Variants in SLC16A7 observed in about 807,000 individuals in gnomAD.
SLC16A7 encodes solute carrier family 16 member 7.
Under a neutral mutation model 34.9 loss-of-function variants are expected in SLC16A7, and 33 were observed. The ratio of observed to expected loss-of-function variants is 0.94; its 90% CI spans 0.72 to 1.26. SLC16A7 has a LOEUF of 1.26. Ranked by LOEUF, SLC16A7 falls within the 50% of genes most tolerant of loss-of-function variation. SLC16A7 has a pLI of 0.00. For synonymous variants in SLC16A7, 201 were observed against 206.6 expected (o/e 0.97, Z 0.23); for missense variants, 573 against 578.1 (o/e 0.99, Z 0.09).
Position 59,714,095 on chromosome 12 carries a change from G to A in SLC16A7, c.217+9077G>A, listed in dbSNP as rs140106665. Among the ~76,000 whole-genome samples the A allele has an allele frequency of 2.4e-3, 373 of 152,316 alleles. 1 individual carries two copies. The highest frequency in any genetic ancestry group is 6.8e-3 in the Middle Eastern group (2 of 294). On this transcript the variant is annotated intron_variant, in intron 3 of 5. Transcript: ENST00000547379. ...TGAATTTGAAGGATAAGGAGGCAGC[G>A]TTAGTCAAGGGAGAGGAAGTGTTTG... is the stretch of plus-strand genomic sequence containing the variant.
chr12:59,726,620 A>G (rs1876271703), intron 3 of SLC16A7, among the ~76,000 whole-genome samples: 1 of 152,174 alleles, frequency 6.6e-6, no homozygotes, highest in Non-Finnish European at 1.5e-5. Flanking sequence ...GTTGTGAGCA[A>G]GTTAGTAAAT....
rs921798930 is a variant in SLC16A7, at chr12:59,784,625, CA to C, written c.*4948del. 2.0e-5 allele frequency: 3 copies of C among 152,144 alleles called. No individual in the cohort carries two copies. Among genetic ancestry groups the C allele is most frequent in the African/African-American group, 7.2e-5 (3 of 41,432 alleles). The allele number at this position is 152,144 out of a possible 1,614,324, so 9.4% of individuals were successfully genotyped here. On this transcript the variant is annotated 3_prime_UTR_variant, in exon 6 of 6. Coordinates refer to ENST00000547379, the MANE Select transcript of SLC16A7 (RefSeq NM_001270623.2). ...TTGTCTATTTGTTCTGTAGAGAAAA[CA>C]AGTGTCATTGCTTTTGTCTTCTCCA...
intron 3 of SLC16A7, chr12:59,720,179 T>C: frequency 1.5e-6 from 1 of 673,314 alleles, no homozygotes; most frequent in Non-Finnish European, 2.7e-6. Context: ...ATAAATTTGT[T>C]CCAGTTTGGA....
chr12:59,643,341 A>G (rs1880769266), intron 1 of SLC16A7, among the ~76,000 whole-genome samples: 1 of 152,140 alleles, frequency 6.6e-6, no homozygotes, highest in South Asian at 2.1e-4. Context: ...TAATATACAT[A>G]TAAGTTTTCG....
chr12:59,613,015 C>T (rs574649341), intron 1 of SLC16A7, among the ~76,000 whole-genome samples: 1 of 152,202 alleles, frequency 6.6e-6, no homozygotes, highest in Non-Finnish European at 1.5e-5. Context: ...ATCTTTACAG[C>T]AGCACCCCAC....
chr12:59,787,586 TAGG>T lies in SLC16A7; in HGVS notation c.*7910_*7912del, dbSNP rs1431724170. 1 of 152,188 alleles carries T rather than the reference TAGG, an allele frequency of 6.6e-6. No individual in the cohort carries two copies. Among genetic ancestry groups the T allele is most frequent in the Admixed American group, 6.5e-5 (1 of 15,270 alleles). 9.4% of individuals were successfully genotyped at this position (152,188 alleles called of 1,614,324 possible). On this transcript the variant is annotated 3_prime_UTR_variant, in exon 6 of 6. Coordinates refer to ENST00000547379, the MANE Select transcript of SLC16A7 (RefSeq NM_001270623.2). ...GGTGAAGGGGAAGAGGGGTTGCTATTAGGAGTTTTCCCGGTAAAACTGTAAAAA... is the reference window on the plus strand; with the variant it reads ...GGTGAAGGGGAAGAGGGGTTGCTATTAGTTTTCCCGGTAAAACTGTAAAAA...
intron 1 of SLC16A7, among the ~76,000 whole-genome samples, chr12:59,626,988 G>A (rs1426478024): frequency 1.3e-5 from 2 of 151,862 alleles, no homozygotes; most frequent in Non-Finnish European, 2.9e-5. Context: ...CCAGAACATG[G>A]AGAGAGGTTG....
chr12:59,686,043 G>A (rs1419009434), intron 2 of SLC16A7, among the ~76,000 whole-genome samples: 2 of 146,962 alleles, frequency 1.4e-5, no homozygotes, highest in Non-Finnish European at 3.0e-5. Context: ...CACAGGCCCT[G>A]TCTGCTTATA....
chr12:59,671,947 G>A lies in SLC16A7; in HGVS notation c.-31+16697G>A, dbSNP rs56268585. On this transcript the variant is annotated intron_variant, in intron 2 of 5. Transcript: ENST00000547379. ...TATATATCCATATATGTATATATGT[G>A]TATATATGTATATATGTGTATATAT... 1.1e-3 allele frequency among the ~76,000 whole-genome samples: 60 copies of A among 56,650 alleles called. 6 individuals are homozygous for A. Among genetic ancestry groups the A allele is most frequent in the African/African-American group, 2.5e-3 (20 of 7,946 alleles). 37.2% of individuals were successfully genotyped at this position (56,650 alleles called of 152,430 possible). A position where few individuals can be genotyped will look rare whatever the true frequency, so the allele number is the denominator to read the frequency against.
chr12:59,612,272 C>T (rs898828787), intron 1 of SLC16A7, among the ~76,000 whole-genome samples: 15 of 152,192 alleles, frequency 9.9e-5, no homozygotes, highest in African/African-American at 3.6e-4. Flanking sequence ...GGTGCAAAAC[C>T]ACGTGTAAGA....
At chr12:59,720,217 C>A in intron 3 of SLC16A7, 1 of 598,454 alleles carries the variant, frequency 1.7e-6, no homozygotes. Flanking sequence ...TTAATTGTTA[C>A]TTATGTATTT....
intron 1 of SLC16A7, among the ~76,000 whole-genome samples, chr12:59,628,675 CGT>C (rs559754829): frequency 6.6e-6 from 1 of 151,216 alleles, no homozygotes; most frequent in Non-Finnish European, 1.5e-5. Flanking sequence ...TGTGCATGTG[CGT>C]GTGTGTGTGC....
intron 2 of SLC16A7, among the ~76,000 whole-genome samples, chr12:59,674,722 T>A (rs892124746): frequency 6.6e-6 from 1 of 152,164 alleles, no homozygotes; most frequent in Non-Finnish European, 1.5e-5. Flanking sequence ...GAGATCTATG[T>A]TCCAATAAAA....
At chr12:59,670,910 A>G (rs1469257288) in intron 2 of SLC16A7, among the ~76,000 whole-genome samples, 2 of 152,156 alleles carry the variant, frequency 1.3e-5, no homozygotes, top group Admixed American at 6.5e-5. Context: ...CCCTCTAGAC[A>G]TAAGAAATTC....
intron 3 of SLC16A7, among the ~76,000 whole-genome samples, chr12:59,751,514 C>A (rs1879556124): frequency 6.6e-6 from 1 of 152,234 alleles, no homozygotes; most frequent in Non-Finnish European, 1.5e-5. Flanking sequence ...GCACGGCAGT[C>A]TGAGATCAAA....
intron 1 of SLC16A7, among the ~76,000 whole-genome samples, chr12:59,602,819 A>G (rs368116496): frequency 1.3e-5 from 2 of 152,054 alleles, no homozygotes; most frequent in East Asian, 1.9e-4. Flanking sequence ...GTTGATTGAC[A>G]AAGCTCATCT....
At chr12:59,622,477 T>C (rs1367708973) in intron 1 of SLC16A7, among the ~76,000 whole-genome samples, 1 of 151,956 alleles carries the variant, frequency 6.6e-6, no homozygotes, top group Admixed American at 6.6e-5. Context: ...TTATATATTC[T>C]GTATATTCTG....
At chr12:59,643,328 C>G (rs1176544038) in intron 1 of SLC16A7, among the ~76,000 whole-genome samples, 1 of 152,066 alleles carries the variant, frequency 6.6e-6, no homozygotes, top group African/African-American at 2.4e-5. Flanking sequence ...CCCCAAGAGT[C>G]TCTAATATAC....
intron 3 of SLC16A7, among the ~76,000 whole-genome samples, chr12:59,746,287 A>G (rs1878882173): frequency 6.6e-6 from 1 of 152,212 alleles, no homozygotes; most frequent in South Asian, 2.1e-4. Context: ...GCTTGATTGA[A>G]TGGATAGTGA....
Sources: gnomAD v4.1 joint callset for allele counts (sites outside exome capture counted in the v4.1 genomes callset) on GRCh38, gnomAD v4.1.1 for gene constraint, MANE v1.5 for transcripts, NCBI Gene and HGNC (gene_info 2026-07-23, HGNC 2026-07-21) for gene names.